DNAH11: variants seen among roughly 807,000 people sequenced by gnomAD.
The protein encoded by DNAH11 is dynein axonemal heavy chain 11.
A neutral mutation model predicts 526.0 loss-of-function variants in DNAH11; 442 were observed. The observed-to-expected ratio is 0.84, with a 90% CI of 0.78 to 0.91. DNAH11 has a LOEUF of 0.91. DNAH11 is among the 40% of genes least tolerant of loss of function. DNAH11 has a pLI of 0.00. For missense variants in DNAH11, 6,989 were observed against 5,448.7 expected, an observed-to-expected ratio of 1.28 and a Z score of -8.90; for synonymous variants, 2,461 against 1,935.9, an observed-to-expected ratio of 1.27 and a Z score of -7.12.
At chr7:21,738,597 C>T (rs1785724121) in intron 46 of DNAH11, 104 bp from the exon 47 acceptor site, 7 of 1,223,162 alleles carry the variant, frequency 5.7e-6, no homozygotes, top group Non-Finnish European at 7.9e-6. Flanking sequence ...CCTGAAACCA[C>T]AGGGTGGATG....
intron 49 of DNAH11, among the ~76,000 whole-genome samples, chr7:21,744,222 C>G (rs988443382): frequency 6.6e-6 from 1 of 152,152 alleles, no homozygotes; most frequent in Non-Finnish European, 1.5e-5. Context: ...TGGTCTTACT[C>G]GCATACCTAA....
At chr7:21,771,487 T>G (rs1787432171) in intron 55 of DNAH11, among the ~76,000 whole-genome samples, 1 of 152,222 alleles carries the variant, frequency 6.6e-6, no homozygotes, top group Non-Finnish European at 1.5e-5. Context: ...GTTTTTGTGT[T>G]GACAGTGAGC....
intron 31 of DNAH11, among the ~76,000 whole-genome samples, chr7:21,681,981 C>T (rs1487061906): frequency 2.6e-5 from 4 of 152,130 alleles, no homozygotes; most frequent in Non-Finnish European, 5.9e-5. Flanking sequence ...TGTGTGTGAC[C>T]GTCTTGGTCA....
intron 28 of DNAH11, among the ~76,000 whole-genome samples, chr7:21,649,502 GAATA>G (rs1787526952): frequency 6.6e-6 from 1 of 152,100 alleles, no homozygotes; most frequent in Admixed American, 6.5e-5. Context: ...CAAATAACAT[GAATA>G]AATTCAAGTG....
At chr7:21,618,446 C>G (rs1019047369) in intron 23 of DNAH11, 4 of 152,500 alleles carry the variant, frequency 2.6e-5, no homozygotes, top group African/African-American at 9.7e-5. Flanking sequence ...CTCAACTCTT[C>G]ACTTACAGGA....
intron 5 of DNAH11, among the ~76,000 whole-genome samples, chr7:21,562,127 G>A (rs1429177532): frequency 6.6e-6 from 1 of 152,148 alleles, no homozygotes; most frequent in African/African-American, 2.4e-5. Flanking sequence ...TGGCCAAATT[G>A]GCCTATTAAC....
chr7:21,591,628 A>C (rs1784693525), intron 14 of DNAH11, 51 bp downstream of exon 14: 1 of 1,455,568 alleles, frequency 6.9e-7, no homozygotes, highest in Non-Finnish European at 9.1e-7. Flanking sequence ...TTGAGTTCAG[A>C]GAAGAGCAAA....
At chr7:21,626,543 A>C (rs1349631752) in intron 25 of DNAH11, among the ~76,000 whole-genome samples, 1 of 152,036 alleles carries the variant, frequency 6.6e-6, no homozygotes, top group African/African-American at 2.4e-5. Context: ...CATAGTGACT[A>C]TACTAATTTA....
At chr7:21,559,034 T>G in intron 3 of DNAH11, 36 bp downstream of exon 3, 1 of 1,530,388 alleles carries the variant, frequency 6.5e-7, no homozygotes. Flanking sequence ...GATATTAAAG[T>G]AGAGAGCCAG....
At chr7:21,641,758 A>C (rs943703263) in intron 28 of DNAH11, among the ~76,000 whole-genome samples, 1 of 152,196 alleles carries the variant, frequency 6.6e-6, no homozygotes, top group African/African-American at 2.4e-5. Context: ...TATCTTCTCC[A>C]TTATCAGTGT....
chr7:21,643,213 T>G (rs1787200805), intron 28 of DNAH11, among the ~76,000 whole-genome samples: 1 of 152,196 alleles, frequency 6.6e-6, no homozygotes, highest in African/African-American at 2.4e-5. Flanking sequence ...TTGTATTTTT[T>G]AACTGAACTA....
intron 44 of DNAH11, among the ~76,000 whole-genome samples, chr7:21,722,097 A>G (rs976575029): frequency 6.6e-6 from 1 of 152,174 alleles, no homozygotes; most frequent in African/African-American, 2.4e-5. Flanking sequence ...GGAATTATTC[A>G]ACTTTAGAAA....
intron 68 of DNAH11, among the ~76,000 whole-genome samples, chr7:21,861,478 ATACTT>A (rs1562589934): frequency 1.3e-5 from 2 of 152,360 alleles, no homozygotes; most frequent in Non-Finnish European, 2.9e-5. Context: ...GAATGTGACT[ATACTT>A]AACACTACTG....
chr7:21,619,999 C>T lies in DNAH11; in HGVS notation c.4421C>T (p.Ser1474Phe), dbSNP rs1034436136. Residue 1474 changes from serine to phenylalanine, a missense_variant, in exon 25 of 82, where the codon TCT becomes TTT. Ser to Phe is a radical substitution (Grantham distance 155). Transcript: ENST00000409508. ...CAGACCTGGGCAACCATGAAGTTTTCTTACGAAGTTCACTATCGAACAGGC... is the reference window on the plus strand; with the variant it reads ...CAGACCTGGGCAACCATGAAGTTTTTTTACGAAGTTCACTATCGAACAGGC... ...ISQTWATMKF[S>F]YEVHYRTGIP... 1.2e-6 allele frequency: 2 copies of T among 1,608,106 alleles called. No individual in the cohort carries two copies. The highest frequency in any genetic ancestry group is 3.4e-5 in the Admixed American group (2 of 58,974).
At chr7:21,645,785 A>G (rs1787330784) in intron 28 of DNAH11, among the ~76,000 whole-genome samples, 1 of 139,952 alleles carries the variant, frequency 7.1e-6, no homozygotes, top group South Asian at 2.2e-4. Flanking sequence ...GATATCTACC[A>G]TATCTAAGAA....
intron 54 of DNAH11, among the ~76,000 whole-genome samples, chr7:21,750,597 T>C: frequency 6.6e-6 from 1 of 152,196 alleles, no homozygotes; most frequent in East Asian, 1.9e-4. Flanking sequence ...GTGCATGTGG[T>C]CTGTGCCATT....
rs1275718084 is a variant in DNAH11 at position 21,702,794 on chromosome 7, G to A, written c.6265G>A (p.Glu2089Lys). The part of the protein sequence containing the change: ...SLKRGDKNRP[E>K]DQVLMRALRD... ...GAAACGAGGAGATAAAAATAGACCCGAAGATCAGGTACTGCAATGCTAATA... is the reference window on the plus strand; with the variant it reads ...GAAACGAGGAGATAAAAATAGACCCAAAGATCAGGTACTGCAATGCTAATA... The change falls in exon 37 of 82, where the codon GAA becomes AAA. Residue 2089 changes from glutamate to lysine, a missense_variant. Physicochemically the swap from Glu to Lys is moderately conservative, Grantham distance 56 (BLOSUM62 1). Coordinates refer to ENST00000409508, the MANE Select transcript of DNAH11 (RefSeq NM_001277115.2). The A allele has an allele frequency of 1.2e-5, 19 of 1,612,232 alleles. No homozygotes were observed. The highest frequency in any genetic ancestry group is 1.3e-5 in the African/African-American group (1 of 74,876).
intron 41 of DNAH11, among the ~76,000 whole-genome samples, chr7:21,711,166 G>A (rs1784452087): frequency 6.6e-6 from 1 of 152,150 alleles, no homozygotes; most frequent in African/African-American, 2.4e-5. Context: ...AAAACAAAAG[G>A]TGACGGTACA....
intron 81 of DNAH11, among the ~76,000 whole-genome samples, chr7:21,900,657 GTAAAAGAA>G (rs1784757106): frequency 6.6e-6 from 1 of 152,302 alleles, no homozygotes; most frequent in Middle Eastern, 3.4e-3. Context: ...AAGTTCTGGT[GTAAAAGAA>G]TAAGGTGCGA....
Sources: allele counts gnomAD v4.1 joint callset (sites outside exome capture counted in the v4.1 genomes callset), GRCh38; gene constraint gnomAD v4.1.1; transcripts MANE v1.5; gene names NCBI Gene and HGNC (gene_info 2026-07-23, HGNC 2026-07-21).